ERCC6: variants seen among roughly 807,000 people sequenced by gnomAD.
ERCC6 encodes ERCC excision repair 6, chromatin remodeling factor.
ERCC6 carries 116 observed loss-of-function variants against 158.7 expected under a neutral mutation model. The observed-to-expected ratio is 0.73, with a 90% confidence interval of 0.63 to 0.85. ERCC6 has a LOEUF of 0.85. Ranked by LOEUF, ERCC6 falls within the 40% of genes least tolerant of loss-of-function variation. The probability of loss-of-function intolerance (pLI) is 0.00; values close to 1 mark genes in which losing one functional copy is unlikely to be tolerated. For missense variants in ERCC6, 1,698 were observed against 1,799.4 expected (o/e 0.94, Z 1.02); for synonymous variants, 678 against 659.3 (o/e 1.03, Z -0.43).
intron 8 of ERCC6, among the ~76,000 whole-genome samples, chr10:49,490,451 T>A (rs1382034136): frequency 6.9e-6 from 1 of 145,494 alleles, no homozygotes; most frequent in African/African-American, 2.6e-5. Flanking sequence ...GCCTCTAGGG[T>A]TCAAGAGATT....
chr10:49,451,041 G>C (rs950465736), downstream of ERCC6, among the ~76,000 whole-genome samples: 5 of 152,086 alleles, frequency 3.3e-5, no homozygotes, highest in South Asian at 6.2e-4. Context: ...TTGATCTCCT[G>C]ACCTCATGAT....
chr10:49,470,184 G>C lies in ERCC6; in HGVS notation c.3776C>G (p.Ser1259Ter). 1 of 1,614,016 alleles carries C rather than the reference G, an allele frequency of 6.2e-7. No homozygotes were observed. The highest frequency in any genetic ancestry group is 1.1e-5 in the South Asian group (1 of 91,056). Residue 1259 changes from serine (S) to a stop codon, truncating the protein, a stop_gained and splice_region_variant, in exon 18 of 21, where the codon TCA (serine) becomes TGA (stop). Transcript: ENST00000355832. LOFTEE classifies it high-confidence loss of function. ...GGCAAACGTATCAAATGGATTACCT[G>C]ATTTTTTGAAAAGCTTTTCCAAAAC... is the stretch of plus-strand genomic sequence containing the variant. ...DYVLEKLFKK[S>*]VGVHSVMKHD...
At chr10:49,463,700 C>A (rs971026) in intron 18 of ERCC6, among the ~76,000 whole-genome samples, 148,674 of 152,260 alleles carry the variant, frequency 0.98, 72,698 homozygotes, top group Middle Eastern at 1. Context: ...TATGAAGATG[C>A]GTCTTTCCTA....
At chr10:49,493,331 CAACA>C in intron 7 of ERCC6, 79 bp from the exon 8 acceptor site, 1 of 1,558,426 alleles carries the variant, frequency 6.4e-7, no homozygotes, top group Admixed American at 1.8e-5. Context: ...TCCCCCAAAA[CAACA>C]AACAAAAAAC....
the ERCC6 span, among the ~76,000 whole-genome samples, chr10:49,444,160 T>C: frequency 7.2e-5 from 11 of 152,184 alleles, no homozygotes; most frequent in Non-Finnish European, 1.0e-4. Context: ...GACCTTTGTC[T>C]ACCCCTGCCC....
chr10:49,524,138 C>A lies in ERCC6; in HGVS notation c.1292G>T (p.Gly431Val), dbSNP rs370292341. ...TACAGAAGCAGCTTCAGCTTCTTCC[C>A]CAGAACTTGGGAAAAAGTCATCATC... The part of the protein sequence containing the change: ...EIDDDFFPSS[G>V]EEAEAASVGE... The change falls in exon 5 of 21, where the codon GGG becomes GTG. Residue 431 changes from glycine (G) to valine (V), a missense_variant. Coordinates refer to ENST00000355832, the MANE Select transcript of ERCC6 (RefSeq NM_000124.4). The A allele has an allele frequency of 2.5e-6, 4 of 1,613,954 alleles. No homozygotes were observed. The highest frequency in any genetic ancestry group is 3.4e-6 in the Non-Finnish European group (4 of 1,180,042).
chr10:49,467,253 G>A (rs1850694213), intron 18 of ERCC6, among the ~76,000 whole-genome samples: 1 of 152,132 alleles, frequency 6.6e-6, no homozygotes, highest in Admixed American at 6.5e-5. Context: ...ACACACCCAG[G>A]ACTGAAAAAG....
At position 49,528,529 on chromosome 10, in the gene ERCC6, G is replaced by T; in HGVS notation, c.544-4C>A. ...TGATCTTTTTTAGCTGTTGTTCCTT[G>T]AATGGTAAATATAGAAGACAGAAAA... is the stretch of plus-strand genomic sequence containing the variant. On this transcript the variant is annotated splice_region_variant and splice_polypyrimidine_tract_variant and intron_variant, in intron 3 of 20. Transcript: ENST00000355832. 1 of 1,614,062 alleles carries T rather than the reference G, an allele frequency of 6.2e-7. No homozygotes were observed. Among genetic ancestry groups the T allele is most frequent in the Non-Finnish European group, 8.5e-7 (1 of 1,179,970 alleles).
intron 10 of ERCC6, among the ~76,000 whole-genome samples, chr10:49,481,432 T>C (rs910775437): frequency 6.6e-6 from 1 of 152,218 alleles, no homozygotes; most frequent in South Asian, 2.1e-4. Context: ...AAATGTAAAA[T>C]ATATTAAAAT....
Position 49,461,905 on chromosome 10 carries a change from T to C in ERCC6, c.3779-349A>G, listed in dbSNP as rs111589375. ...AGACATGAAAACACTCCTGGGAAGA[T>C]AGACTATCAGACTTAAACAAACAGA... On this transcript the variant is annotated intron_variant, in intron 18 of 20. Coordinates refer to ENST00000355832, the MANE Select transcript of ERCC6 (RefSeq NM_000124.4). Among the ~76,000 whole-genome samples the C allele has an allele frequency of 1.1e-3, 173 of 152,306 alleles. 1 individual carries two copies. Among genetic ancestry groups the C allele is most frequent in the African/African-American group, 3.8e-3 (160 of 41,578 alleles).
chr10:49,506,261 T>C (rs922915701), intron 5 of ERCC6: 14 of 520,610 alleles, frequency 2.7e-5, no homozygotes, highest in Non-Finnish European at 4.4e-5. Context: ...CTCATTTCAT[T>C]ATCAAAACTA....
intron 8 of ERCC6, among the ~76,000 whole-genome samples, chr10:49,485,978 C>A (rs1012556904): frequency 1.3e-5 from 2 of 151,954 alleles, no homozygotes; most frequent in African/African-American, 4.8e-5. Context: ...TGGGAATTAT[C>A]AAAGATATAT....
intron 18 of ERCC6, among the ~76,000 whole-genome samples, chr10:49,467,607 C>T (rs547996154): frequency 5.3e-5 from 8 of 152,242 alleles, no homozygotes; most frequent in African/African-American, 1.9e-4. Flanking sequence ...GCTCTGCTGC[C>T]CAGGCTGGAG....
intron 8 of ERCC6, 86 bp downstream of exon 8, chr10:49,493,031 G>A: frequency 7.2e-7 from 1 of 1,381,486 alleles, no homozygotes. Context: ...ATATACATTT[G>A]AGAAACACAT....
rs117690234 is a variant in ERCC6 at position 49,500,240 on chromosome 10, T to C, written c.1685+298A>G. On this transcript the variant is annotated intron_variant, in intron 7 of 20. Transcript: ENST00000355832. ...TTAACATAATTGAGTTTGTAAACAATCCCTTTGTAGAAGCTAACCTTAGAC... is the reference window on the plus strand; with the variant it reads ...TTAACATAATTGAGTTTGTAAACAACCCCTTTGTAGAAGCTAACCTTAGAC... Among the ~76,000 whole-genome samples the C allele has an allele frequency of 2.1e-3, 313 of 152,294 alleles. 2 individuals are homozygous for C. In the East Asian group the frequency reaches 0.024, roughly 12 times the overall value.
In ERCC6 at chr10:49,460,470, C is replaced by T. The variant is rs1850562694; in HGVS notation, c.3984-19G>A. 6.5e-7 allele frequency: 1 copy of T among 1,529,006 alleles called. No homozygotes were observed. Among genetic ancestry groups the T allele is most frequent in the East Asian group, 2.2e-5 (1 of 44,528 alleles). The allele number at this position is 1,529,006 out of a possible 1,614,324, so 94.7% of individuals were successfully genotyped here. On this transcript the variant is annotated intron_variant, in intron 19 of 20. Transcript: ENST00000355832. The stretch of plus-strand genomic sequence containing the variant: ...TCTACTCCTAAAAAAGGAAAAGCAT[C>T]ACAGTAGATTAAATGTTTGCTTTTG...
chr10:49,532,420 G>C, intron 2 of ERCC6, 123 bp downstream of exon 2: 4 of 1,478,236 alleles, frequency 2.7e-6, no homozygotes, highest in Non-Finnish European at 3.7e-6. Flanking sequence ...TATTGACTCT[G>C]TCCTCCAAAT....
At chr10:49,490,735 T>C (rs921716609) in intron 8 of ERCC6, among the ~76,000 whole-genome samples, 20 of 152,228 alleles carry the variant, frequency 1.3e-4, no homozygotes, top group African/African-American at 4.8e-4. Flanking sequence ...AACAAAACAA[T>C]TCTGGCATTA....
In ERCC6 at chr10:49,493,110, G is replaced by A. The variant is rs4253132; in HGVS notation, c.1821+7C>T. The A allele has an allele frequency of 0.88, 1,422,693 of 1,613,440 alleles. 628,903 individuals carry two copies. Among genetic ancestry groups the A allele is most frequent in the East Asian group, 1 (44,819 of 44,842 alleles). On this transcript the variant is annotated splice_region_variant and intron_variant, in intron 8 of 20. Transcript: ENST00000355832. ...CAAAACAAAAAGGTACTGAAATATT[G>A]TGTTACCTTTTTGTGGGTATAGGAA...
Sources: allele counts gnomAD v4.1 joint callset (sites outside exome capture counted in the v4.1 genomes callset), GRCh38; gene constraint gnomAD v4.1.1; transcripts MANE v1.5; gene names NCBI Gene and HGNC (gene_info 2026-07-23, HGNC 2026-07-21).